The following CPEB3 variants were observed in gnomAD, a reference collection of about 807,000 sequenced individuals.
CPEB3 encodes cytoplasmic polyadenylation element-binding protein 3.
In CPEB3, 20 loss-of-function variants were observed where a neutral mutation model predicts 67.2. That is an observed-to-expected ratio of 0.30 (90% confidence interval 0.21 to 0.43). The LOEUF is 0.43. Among genes scored for constraint, CPEB3 ranks in the 20% least tolerant of loss-of-function variants. The probability of loss-of-function intolerance (pLI) is 1.00; values close to 1 mark genes in which losing one functional copy is unlikely to be tolerated. For synonymous variants in CPEB3, 376 were observed against 393.1 expected, an observed-to-expected ratio of 0.96 and a Z score of 0.51; for missense variants, 746 against 968.6, an observed-to-expected ratio of 0.77 and a Z score of 3.05.
intron 9 of CPEB3, among the ~76,000 whole-genome samples, chr10:92,070,073 CTTA>C (rs1842698014): frequency 6.6e-6 from 1 of 152,178 alleles, no homozygotes; most frequent in African/African-American, 2.4e-5. Flanking sequence ...CAATCAACTG[CTTA>C]TTAAGCTTCT....
chr10:92,084,767 G>T (rs936553405), intron 8 of CPEB3, among the ~76,000 whole-genome samples: 1 of 152,086 alleles, frequency 6.6e-6, no homozygotes, highest in African/African-American at 2.4e-5. Context: ...TTTTAGTAGA[G>T]ACTGGGTTTC....
intron 8 of CPEB3, among the ~76,000 whole-genome samples, chr10:92,087,888 C>T (rs765875097): frequency 8.3e-4 from 126 of 152,146 alleles, no homozygotes; most frequent in Non-Finnish European, 1.6e-3. Flanking sequence ...CCCATTATTA[C>T]CCTGTACTGA....
At chr10:92,112,126 CTTTTTTTTTT>C (rs201432910) in intron 6 of CPEB3, among the ~76,000 whole-genome samples, 50,990 of 122,522 alleles carry the variant, frequency 0.42, 9,407 homozygotes, top group Middle Eastern at 0.5. Flanking sequence ...GACCACGTTC[CTTTTTTTTTT>C]TTTTTTTTTT....
Position 92,239,548 on chromosome 10 carries a change from G to C in CPEB3, c.803C>G (p.Pro268Arg), listed in dbSNP as rs1181514512. Residue 268 changes from proline to arginine, a missense_variant, in exon 2 of 10, where the codon CCT becomes CGT. Coordinates refer to ENST00000265997, the MANE Select transcript of CPEB3 (RefSeq NM_014912.5). The surrounding 1 kb of genome is among the most constrained non-coding windows in gnomAD (Gnocchi z 6.0). The part of the protein sequence containing the change: ...PWGGLQAGRD[P>R]RRAVGVGVGV... ...CACGCCCACACCGACCGCCCGGCGAGGGTCCCGGCCCGCCTGCAGGCCGCC... is the reference window on the plus strand; with the variant it reads ...CACGCCCACACCGACCGCCCGGCGACGGTCCCGGCCCGCCTGCAGGCCGCC... The C allele has an allele frequency of 3.2e-6, 5 of 1,557,198 alleles. No homozygotes were observed. Among genetic ancestry groups the C allele is most frequent in the Admixed American group, 1.9e-5 (1 of 51,360 alleles).
At chr10:92,105,719 T>TG (rs1409748748) in intron 7 of CPEB3, among the ~76,000 whole-genome samples, 1 of 145,514 alleles carries the variant, frequency 6.9e-6, no homozygotes, top group Non-Finnish European at 1.5e-5. Flanking sequence ...TTGTGGGTTT[T>TG]TTTTTTTTTT....
Position 92,048,645 on chromosome 10 carries a change from CTCAT to C in CPEB3, c.*3563_*3566del, listed in dbSNP as rs1369119512. 1 of 152,548 alleles carries C rather than the reference CTCAT, an allele frequency of 6.6e-6. No individual in the cohort carries two copies. Among genetic ancestry groups the C allele is most frequent in the Non-Finnish European group, 1.5e-5 (1 of 68,030 alleles). 9.4% of individuals were successfully genotyped at this position (152,548 alleles called of 1,614,324 possible). Reference sequence around the variant, plus strand: ...GCTTCTCAAAATCTCACATGTTCTGCTCATTCTGTCATTTTATTACCCAATTATC... The same window carrying C: ...GCTTCTCAAAATCTCACATGTTCTGCTCTGTCATTTTATTACCCAATTATC... On this transcript the variant is annotated 3_prime_UTR_variant, in exon 10 of 10. Coordinates refer to ENST00000265997, the MANE Select transcript of CPEB3 (RefSeq NM_014912.5). The surrounding 1 kb of genome is among the most constrained non-coding windows in gnomAD (Gnocchi z 4.1).
At chr10:92,209,073 C>T (rs1849939468) in intron 2 of CPEB3, among the ~76,000 whole-genome samples, 1 of 152,112 alleles carries the variant, frequency 6.6e-6, no homozygotes, top group South Asian at 2.1e-4. Context: ...TTAAAGTTCC[C>T]AGTAAACATG....
intron 6 of CPEB3, among the ~76,000 whole-genome samples, chr10:92,127,433 T>C (rs948091708): frequency 7.2e-5 from 11 of 152,100 alleles, no homozygotes; most frequent in African/African-American, 2.7e-4. Context: ...TCTAGCACTT[T>C]GGGAGACCGA....
chr10:92,210,536 AAAGG>A lies in CPEB3; in HGVS notation c.1006-17904_1006-17901del, dbSNP rs1156320663. Among the ~76,000 whole-genome samples the A allele has an allele frequency of 5.3e-5, 8 of 152,340 alleles. No homozygotes were observed. The East Asian group carries it at 1.3e-3, about 26-fold the overall frequency. On this transcript the variant is annotated intron_variant, in intron 2 of 9. Transcript: ENST00000265997. ...TAGGAAAGTTGCTGGAAACCAAAAGAAAGGAAGAAAAATATAAACATACACGCAC... is the reference window on the plus strand; with the variant it reads ...TAGGAAAGTTGCTGGAAACCAAAAGAAAGAAAAATATAAACATACACGCAC...
intron 1 of CPEB3, among the ~76,000 whole-genome samples, chr10:92,281,155 C>T (rs773152179): frequency 8.6e-5 from 13 of 151,404 alleles, no homozygotes; most frequent in Non-Finnish European, 1.6e-4. Flanking sequence ...GGACAAAGGA[C>T]CTTAAAAGAC....
intron 1 of CPEB3, among the ~76,000 whole-genome samples, chr10:92,250,340 G>C (rs891561769): frequency 6.6e-6 from 1 of 151,810 alleles, no homozygotes; most frequent in Non-Finnish European, 1.5e-5. Context: ...CCCACCCTCA[G>C]CCTCCCAAAG....
intron 1 of CPEB3, among the ~76,000 whole-genome samples, chr10:92,251,071 A>G (rs1429195626): frequency 6.6e-6 from 1 of 152,002 alleles, no homozygotes; most frequent in Non-Finnish European, 1.5e-5. Context: ...GTTTAGATAT[A>G]CAAATACCTA....
chr10:92,150,752 T>C (rs761027465), intron 4 of CPEB3, among the ~76,000 whole-genome samples: 136 of 152,204 alleles, frequency 8.9e-4, no homozygotes, highest in Non-Finnish European at 1.7e-3. Context: ...CTCTAACATA[T>C]TTCTTTTTTT....
At chr10:92,238,936 C>G (rs1851673304) in intron 2 of CPEB3, among the ~76,000 whole-genome samples, 1 of 152,050 alleles carries the variant, frequency 6.6e-6, no homozygotes, top group Admixed American at 6.6e-5. Flanking sequence ...CAGGCGGCAC[C>G]CTGAGCTCAG....
intron 7 of CPEB3, among the ~76,000 whole-genome samples, chr10:92,107,503 C>G (rs1844530714): frequency 6.6e-6 from 1 of 152,208 alleles, no homozygotes; most frequent in African/African-American, 2.4e-5. Flanking sequence ...GCCCCTATCT[C>G]TGCTAGACCT....
At chr10:92,119,205 C>T (rs1845206991) in intron 6 of CPEB3, 12 of 1,581,952 alleles carry the variant, frequency 7.6e-6, no homozygotes, top group Admixed American at 6.7e-5. Context: ...CACATTATTA[C>T]ATTCACCCAT....
At chr10:92,219,226 G>C (rs140584767) in intron 2 of CPEB3, among the ~76,000 whole-genome samples, 1 of 152,064 alleles carries the variant, frequency 6.6e-6, no homozygotes, top group Non-Finnish European at 1.5e-5. Context: ...ATATAAAATG[G>C]GCAATTGCTT....
chr10:92,182,821 G>A (rs1335035950), intron 3 of CPEB3, among the ~76,000 whole-genome samples: 7 of 127,368 alleles, frequency 5.5e-5, no homozygotes, highest in South Asian at 2.5e-4. Flanking sequence ...GCAAGACTCC[G>A]TCTCAAAAAA....
intron 6 of CPEB3, among the ~76,000 whole-genome samples, chr10:92,122,780 G>C (rs538542172): frequency 4.6e-5 from 7 of 152,260 alleles, no homozygotes; most frequent in African/African-American, 1.7e-4. Flanking sequence ...GTGGCACAGG[G>C]GCCAGACCTT....
Sources: gnomAD v4.1 joint callset for allele counts (sites outside exome capture counted in the v4.1 genomes callset) on GRCh38, gnomAD v4.1.1 for gene constraint, Gnocchi (gnomAD v3.1) non-coding constraint, MANE v1.5 for transcripts, NCBI Gene and HGNC (gene_info 2026-07-23, HGNC 2026-07-21) for gene names.